DMRT1: variants seen among roughly 807,000 people sequenced by gnomAD.
DMRT1 encodes doublesex and mab-3 related transcription factor 1.
DMRT1 carries 7 observed loss-of-function variants against 32.3 expected under a neutral mutation model. That is an observed-to-expected ratio of 0.22 (90% CI 0.12 to 0.41). The LOEUF is 0.41. DMRT1 is among the 10% of genes least tolerant of loss of function. The pLI is 1.00. For synonymous variants in DMRT1, 278 were observed against 206.1 expected (o/e 1.35, Z -2.99); for missense variants, 625 against 500.5 (o/e 1.25, Z -2.37).
In DMRT1 at chr9:864,951, G is replaced by A. The variant is rs191936029; in HGVS notation, c.538+17808G>A. ...TTATATAATAAACTGTGGTATGGCC[G>A]TGATGCAGGAATGGGGAGATATACT... is the stretch of plus-strand genomic sequence containing the variant. On this transcript the variant is annotated intron_variant, in intron 2 of 4. Coordinates refer to ENST00000382276, the MANE Select transcript of DMRT1 (RefSeq NM_021951.3). 4.5e-4 allele frequency among the ~76,000 whole-genome samples: 69 copies of A among 152,298 alleles called. No individual in the cohort carries two copies. The East Asian group carries it at 0.01, about 22-fold the overall frequency.
chr9:875,612 G>C (rs1183555174), intron 2 of DMRT1, among the ~76,000 whole-genome samples: 1 of 152,196 alleles, frequency 6.6e-6, no homozygotes, highest in Non-Finnish European at 1.5e-5. Context: ...GACTATAGTT[G>C]TGGGCCAGTT....
chr9:960,208 A>T (rs1353611759), intron 4 of DMRT1, among the ~76,000 whole-genome samples: 1 of 152,212 alleles, frequency 6.6e-6, no homozygotes, highest in East Asian at 1.9e-4. Context: ...CAATAGGCTC[A>T]GGTTTTAGCT....
chr9:938,541 A>G (rs748982749), intron 4 of DMRT1, among the ~76,000 whole-genome samples: 2 of 152,144 alleles, frequency 1.3e-5, no homozygotes, highest in African/African-American at 4.8e-5. Context: ...TGTAAATAGA[A>G]TTTCTTAATA....
At chr9:893,486 C>G (rs1219564933) in intron 2 of DMRT1, among the ~76,000 whole-genome samples, 6 of 152,208 alleles carry the variant, frequency 3.9e-5, no homozygotes, top group African/African-American at 1.4e-4. Context: ...CAGGTGTTCA[C>G]CTAAATTCAC....
At chr9:960,120 C>T (rs1037216931) in intron 4 of DMRT1, among the ~76,000 whole-genome samples, 6 of 152,046 alleles carry the variant, frequency 3.9e-5, no homozygotes, top group African/African-American at 1.4e-4. Flanking sequence ...TCAGTGGAGT[C>T]GGCTTGCCTG....
chr9:851,197 G>C (rs1043731705), intron 2 of DMRT1, among the ~76,000 whole-genome samples: 11 of 152,160 alleles, frequency 7.2e-5, no homozygotes, highest in African/African-American at 2.6e-4. Context: ...GATGTCTAGT[G>C]TTTACTAGGT....
intron 2 of DMRT1, among the ~76,000 whole-genome samples, chr9:888,467 C>T (rs1817017080): frequency 6.6e-6 from 1 of 152,042 alleles, no homozygotes; most frequent in Admixed American, 6.6e-5. Context: ...CCACCATGCC[C>T]AGCCAATTTT....
intron 4 of DMRT1, among the ~76,000 whole-genome samples, chr9:922,210 A>G (rs1818377091): frequency 6.6e-6 from 1 of 152,024 alleles, no homozygotes; most frequent in Non-Finnish European, 1.5e-5. Context: ...CTAGTAATTC[A>G]TTTTTATTGT....
intron 3 of DMRT1, among the ~76,000 whole-genome samples, chr9:914,056 A>G (rs1361908334): frequency 2.0e-5 from 3 of 152,126 alleles, no homozygotes; most frequent in Non-Finnish European, 2.9e-5. Flanking sequence ...CTGGCCATTC[A>G]TATGCGCATT....
rs139556364 is a variant in DMRT1 at position 869,273 on chromosome 9, C to T, written c.538+22130C>T. ...ATGGTGACATGCAATGGAGACCATG[C>T]CAGATCTTAAAGGTGGATGGCATAG... On this transcript the variant is annotated intron_variant, in intron 2 of 4. Coordinates refer to ENST00000382276, the MANE Select transcript of DMRT1 (RefSeq NM_021951.3). Among the ~76,000 whole-genome samples the T allele has an allele frequency of 1.5e-3, 236 of 152,258 alleles. 2 individuals are homozygous for T. Among genetic ancestry groups the T allele is most frequent in the African/African-American group, 5.5e-3 (229 of 41,542 alleles).
intron 3 of DMRT1, among the ~76,000 whole-genome samples, chr9:915,655 G>A (rs545888967): frequency 1.4e-4 from 21 of 152,190 alleles, no homozygotes; most frequent in African/African-American, 4.3e-4. Flanking sequence ...ATCCAGCATG[G>A]CATTGTGCTA....
intron 4 of DMRT1, among the ~76,000 whole-genome samples, chr9:961,854 A>G (rs1268275745): frequency 6.6e-6 from 1 of 152,216 alleles, no homozygotes; most frequent in Non-Finnish European, 1.5e-5. Context: ...TTGTTGAGTA[A>G]ACATTACTCC....
rs376034367 is a variant in DMRT1, at chr9:935,998, C to G, written c.967+19091C>G. The stretch of plus-strand genomic sequence containing the variant: ...AAAGTCGTTTTCAAGGCTGGAGACA[C>G]TTTATTGTAATTCTGCAACTCTGAG... On this transcript the variant is annotated intron_variant, in intron 4 of 4. Transcript: ENST00000382276. 4.4e-4 allele frequency among the ~76,000 whole-genome samples: 67 copies of G among 152,302 alleles called. No homozygotes were observed. The South Asian group carries it at 0.012, about 28-fold the overall frequency.
chr9:845,423 G>T (rs1424085568), intron 1 of DMRT1, among the ~76,000 whole-genome samples: 1 of 152,034 alleles, frequency 6.6e-6, no homozygotes, highest in African/African-American at 2.4e-5. Context: ...GGTCAGGCTG[G>T]TCTCGAGCTC....
chr9:903,483 A>G lies in DMRT1; in HGVS notation c.822+9288A>G, dbSNP rs939529996. Among the ~76,000 whole-genome samples the G allele has an allele frequency of 4.6e-5, 7 of 152,280 alleles. No homozygotes were observed. In the East Asian group the frequency reaches 1.2e-3, roughly 25 times the overall value. ...GCTGTTTTGTTTCACAGATGATGAA[A>G]GCTTAATGACTTGCATGCTTTTGAT... is the stretch of plus-strand genomic sequence containing the variant. On this transcript the variant is annotated intron_variant, in intron 3 of 4. Transcript: ENST00000382276.
rs1205760245 is a variant in DMRT1, at chr9:842,266, G to T, written c.354+74G>T. On this transcript the variant is annotated intron_variant, in intron 1 of 4. Transcript: ENST00000382276. ...TTTTTTTTTTTTTAGATGGAGTCTC[G>T]CTCGGTTGCCCAGGCTGCAGTGTAG... The T allele has an allele frequency of 8.2e-6, 12 of 1,464,674 alleles. No homozygotes were observed. In the African/African-American group the frequency reaches 1.4e-4, roughly 18 times the overall value. 90.7% of individuals were successfully genotyped at this position (1,464,674 alleles called of 1,614,324 possible). A position where few individuals can be genotyped will look rare whatever the true frequency, so the allele number is the denominator to read the frequency against.
intron 2 of DMRT1, 48 bp from the exon 3 acceptor site, chr9:893,864 G>T (rs1046675272): frequency 3.2e-6 from 5 of 1,570,852 alleles, no homozygotes; most frequent in African/African-American, 1.3e-5. Context: ...AAGTTTCGTG[G>T]ACTAACATTA....
At chr9:920,843 A>G (rs1170109622) in intron 4 of DMRT1, among the ~76,000 whole-genome samples, 1 of 152,142 alleles carries the variant, frequency 6.6e-6, no homozygotes, top group African/African-American at 2.4e-5. Context: ...AGTGGGGGCC[A>G]TGGTCTGATG....
intron 3 of DMRT1, among the ~76,000 whole-genome samples, chr9:912,200 C>T (rs1464109813): frequency 6.6e-6 from 1 of 152,100 alleles, no homozygotes; most frequent in Non-Finnish European, 1.5e-5. Flanking sequence ...AAGAGAACTC[C>T]CTCCATATCA....
Sources: allele counts gnomAD v4.1 joint callset (sites outside exome capture counted in the v4.1 genomes callset), GRCh38; gene constraint gnomAD v4.1.1; transcripts MANE v1.5; gene names NCBI Gene and HGNC (gene_info 2026-07-23, HGNC 2026-07-21).